PMF1: variants seen among roughly 807,000 people sequenced by gnomAD.
PMF1 encodes the protein polyamine modulated factor 1, also known as polyamine-modulated factor 1.
PMF1 carries 21 observed loss-of-function variants against 26.7 expected under a neutral mutation model. The observed-to-expected ratio is 0.79, with a 90% CI of 0.56 to 1.13. The LOEUF is 1.13. PMF1 is among the 50% of genes most tolerant of loss of function. The pLI is 0.00. For missense variants in PMF1, 266 were observed against 254.9 expected (o/e 1.04, Z -0.30); for synonymous variants, 105 against 101.0 (o/e 1.04, Z -0.24).
chr1:156,238,463 C>T (rs560232693), intron 4 of PMF1, among the ~76,000 whole-genome samples: 6 of 152,320 alleles, frequency 3.9e-5, no homozygotes, highest in African/African-American at 1.4e-4. Flanking sequence ...AGCTTGGCTG[C>T]ACCACAATGA....
chr1:156,233,610 T>C lies in PMF1; in HGVS notation c.268-18T>C, dbSNP rs776954198. Reference sequence around the variant, plus strand: ...GCTCATCTCGTGTCATTACAGCTCTTTCCTCCTTTCTCTTCAGGAGGAAAT... The same window carrying C: ...GCTCATCTCGTGTCATTACAGCTCTCTCCTCCTTTCTCTTCAGGAGGAAAT... On this transcript the variant is annotated intron_variant, in intron 2 of 4. Coordinates refer to ENST00000368277, the MANE Select transcript of PMF1 (RefSeq NM_007221.4). 18 of 1,612,474 alleles carry C rather than the reference T, an allele frequency of 1.1e-5. No homozygotes were observed. The Admixed American group carries it at 1.2e-4, about 10-fold the overall frequency.
At chr1:156,223,670 G>GCA (rs35562494) in intron 1 of PMF1, 2,328 of 148,418 alleles carry the variant, frequency 0.016, 35 homozygotes, top group East Asian at 0.064. Flanking sequence ...ATGTGCACGT[G>GCA]CACACACACA....
chr1:156,235,053 A>C (rs141587906), intron 3 of PMF1, among the ~76,000 whole-genome samples: 172 of 152,134 alleles, frequency 1.1e-3, no homozygotes, highest in African/African-American at 4.0e-3. Context: ...CTTTTTTGTA[A>C]TTTCCAATTT....
At position 156,231,282 on chromosome 1, in the gene PMF1, G is replaced by C. The variant is rs147190184; in HGVS notation, c.162-1038G>C. ...ATGATGGTGTGCACCTGTAGTCCTA[G>C]CTACTCAGGAGGCTGAGGCAAGAGG... On this transcript the variant is annotated intron_variant, in intron 1 of 4. Transcript: ENST00000368277. Among the ~76,000 whole-genome samples the C allele has an allele frequency of 4.2e-3, 630 of 148,262 alleles. 2 individuals are homozygous for C. Among genetic ancestry groups the C allele is most frequent in the African/African-American group, 0.015 (601 of 40,234 alleles).
chr1:156,238,181 G>A (rs1015759522), intron 4 of PMF1, among the ~76,000 whole-genome samples: 1 of 152,184 alleles, frequency 6.6e-6, no homozygotes, highest in Admixed American at 6.5e-5. Context: ...GGTTACTAGA[G>A]CCTTGTACAA....
intron 1 of PMF1, among the ~76,000 whole-genome samples, chr1:156,215,269 G>C (rs1657641863): frequency 6.6e-6 from 1 of 152,176 alleles, no homozygotes; most frequent in African/African-American, 2.4e-5. Flanking sequence ...TCCAGGAACT[G>C]GCAGAGACCT....
chr1:156,238,381 G>A (rs573349221), intron 4 of PMF1, among the ~76,000 whole-genome samples: 5 of 152,198 alleles, frequency 3.3e-5, no homozygotes, highest in Admixed American at 2.0e-4. Context: ...TTTGAAAGTG[G>A]CCCGACATCA....
rs935612977 is a variant in PMF1 at position 156,222,764 on chromosome 1, G to A, written c.162-9556G>A. Among the ~76,000 whole-genome samples, 9 of 151,048 alleles carry A rather than the reference G, an allele frequency of 6.0e-5. No individual in the cohort carries two copies. The South Asian group carries it at 6.3e-4, about 10-fold the overall frequency. On this transcript the variant is annotated intron_variant, in intron 1 of 4. Transcript: ENST00000368277. ...ACTCCTAACCTCAGGTGATCCGCCCGCCTCAGCCTCCCAAAGTGCTGGGAT... is the reference window on the plus strand; with the variant it reads ...ACTCCTAACCTCAGGTGATCCGCCCACCTCAGCCTCCCAAAGTGCTGGGAT...
intron 1 of PMF1, 71 bp downstream of exon 1, chr1:156,213,247 C>A: frequency 6.4e-7 from 1 of 1,573,316 alleles, no homozygotes; most frequent in Non-Finnish European, 8.6e-7. Context: ...GTCAGGACGG[C>A]CGCAGGCTGG....
rs199606103 is a variant in PMF1, at chr1:156,227,507, T to TATTTA, written c.162-4813_162-4812insATTTA. The stretch of plus-strand genomic sequence containing the variant: ...AAAATTTATTTTATTTTATTTTATT[T>TATTTA]TTTTTTTGAGACAGAGTCTTGCTCT... On this transcript the variant is annotated intron_variant, in intron 1 of 4. Coordinates refer to ENST00000368277, the MANE Select transcript of PMF1 (RefSeq NM_007221.4). Among the ~76,000 whole-genome samples, 96 of 150,644 alleles carry TATTTA rather than the reference T, an allele frequency of 6.4e-4. 1 individual carries two copies. Among genetic ancestry groups the TATTTA allele is most frequent in the African/African-American group, 2.2e-3 (89 of 40,972 alleles).
chr1:156,219,294 C>T (rs190806052), intron 1 of PMF1, among the ~76,000 whole-genome samples: 1 of 152,178 alleles, frequency 6.6e-6, no homozygotes, highest in African/African-American at 2.4e-5. Context: ...GTTTTCTTCT[C>T]TTAGCTGTTT....
At chr1:156,222,237 C>T (rs909269) in intron 1 of PMF1, among the ~76,000 whole-genome samples, 30,180 of 152,124 alleles carry the variant, frequency 0.2, 3,920 homozygotes, top group Non-Finnish European at 0.29. Flanking sequence ...CCAAGTGCTG[C>T]CCCCCTGCCT....
chr1:156,218,897 G>A (rs1287140098), intron 1 of PMF1, among the ~76,000 whole-genome samples: 1 of 151,182 alleles, frequency 6.6e-6, no homozygotes, highest in Non-Finnish European at 1.5e-5. Flanking sequence ...GTGCTTTTGG[G>A]GTCTTGTTTA....
At chr1:156,239,498 T>G in intron 4 of PMF1, 50 bp from the exon 5 acceptor site, 2 of 1,483,364 alleles carry the variant, frequency 1.3e-6, no homozygotes, top group Non-Finnish European at 1.9e-6. Flanking sequence ...AGGGCAAGGA[T>G]TTGGGTTTTC....
chr1:156,231,376 C>G (rs766711719), intron 1 of PMF1, among the ~76,000 whole-genome samples: 1 of 150,028 alleles, frequency 6.7e-6, no homozygotes, highest in South Asian at 2.1e-4. Flanking sequence ...CACTCCAGCC[C>G]AGGTGATGGA....
intron 4 of PMF1, among the ~76,000 whole-genome samples, chr1:156,238,569 A>G (rs1289899980): frequency 1.3e-5 from 2 of 152,204 alleles, no homozygotes; most frequent in East Asian, 3.8e-4. Context: ...TCCATCCTTC[A>G]TGTCAGTATC....
At chr1:156,237,426 A>C (rs2103134743) in intron 4 of PMF1, 1 of 147,638 alleles carries the variant, frequency 6.8e-6, no homozygotes, top group African/African-American at 2.5e-5. Flanking sequence ...CTGCATCCTC[A>C]CCAGCATGTT....
chr1:156,229,154 C>T (rs901334537), intron 1 of PMF1, among the ~76,000 whole-genome samples: 11 of 152,190 alleles, frequency 7.2e-5, no homozygotes, highest in African/African-American at 9.6e-5. Flanking sequence ...ATGATCCGCC[C>T]GCCTTGGCCT....
rs374332989 is a variant in PMF1 at position 156,236,380 on chromosome 1, A to G, written c.461A>G (p.Lys154Arg). ...GACACCCTGCGGCGCCATGTGCAGA[A>G]ACAGGAGGCCGAGAACCAGCAGCTG... ...QRDTLRRHVQ[K>R]QEAENQQLAD... The change falls in exon 4 of 5, where the codon AAA becomes AGA. Residue 154 changes from lysine to arginine, a missense_variant. By Grantham distance (26) the Lys-to-Arg change is conservative (BLOSUM62 2). Coordinates refer to ENST00000368277, the MANE Select transcript of PMF1 (RefSeq NM_007221.4). 1 of 1,614,116 alleles carries G rather than the reference A, an allele frequency of 6.2e-7. No individual in the cohort carries two copies. Among genetic ancestry groups the G allele is most frequent in the African/African-American group, 1.3e-5 (1 of 74,938 alleles).
Sources: gnomAD v4.1 joint callset for allele counts (sites outside exome capture counted in the v4.1 genomes callset) on GRCh38, gnomAD v4.1.1 for gene constraint, MANE v1.5 for transcripts, NCBI Gene and HGNC (gene_info 2026-07-23, HGNC 2026-07-21) for gene names.